TNFRSF1B: variants seen among roughly 807,000 people sequenced by gnomAD.
TNFRSF1B encodes the protein TNF receptor superfamily member 1B, also known as tumor necrosis factor receptor superfamily member 1B.
Under a neutral mutation model 44.6 loss-of-function variants are expected in TNFRSF1B, and 19 were observed. The observed-to-expected ratio is 0.43, with a 90% CI of 0.30 to 0.62. The LOEUF (loss-of-function observed/expected upper bound fraction) is 0.62. Ranked by LOEUF, TNFRSF1B falls within the 20% of genes least tolerant of loss-of-function variation. TNFRSF1B has a pLI of 0.16. For synonymous variants in TNFRSF1B, 252 were observed against 261.1 expected (o/e 0.97, Z 0.34); for missense variants, 541 against 619.9 (o/e 0.87, Z 1.35).
rs778042510 is a variant in TNFRSF1B, at chr1:12,180,314, G to C, written c.79-8482G>C. On this transcript the variant is annotated intron_variant, in intron 1 of 9. Transcript: ENST00000376259. The surrounding 1 kb of genome is among the most constrained non-coding windows in gnomAD (Gnocchi z 4.3). ...AAAGCCATGAAGATCCCCAAAGAAG[G>C]CTGTGCTAATGGCGGCCGGAAGAGC... Among the ~76,000 whole-genome samples, 3 of 152,172 alleles carry C rather than the reference G, an allele frequency of 2.0e-5. No individual in the cohort carries two copies. The highest frequency in any genetic ancestry group is 2.9e-5 in the Non-Finnish European group (2 of 68,026).
At chr1:12,205,667 G>A (rs1467106645) in intron 9 of TNFRSF1B, among the ~76,000 whole-genome samples, 2 of 152,166 alleles carry the variant, frequency 1.3e-5, no homozygotes, top group Non-Finnish European at 2.9e-5. Flanking sequence ...TTTCGCCCAG[G>A]CTGGAGTGAA....
At chr1:12,188,290 C>T (rs142943141) in intron 1 of TNFRSF1B, among the ~76,000 whole-genome samples, 203 of 152,246 alleles carry the variant, frequency 1.3e-3, no homozygotes, top group African/African-American at 4.6e-3. Flanking sequence ...GGTCATAACC[C>T]ACGTTTAGAG....
At chr1:12,189,402 G>C (rs1391387039) in intron 2 of TNFRSF1B, among the ~76,000 whole-genome samples, 1 of 152,184 alleles carries the variant, frequency 6.6e-6, no homozygotes, top group Non-Finnish European at 1.5e-5. Flanking sequence ...CTTGTTTTCT[G>C]CTGAATCCCC....
Position 12,198,247 on chromosome 1 carries a change from G to A in TNFRSF1B, c.900+3629G>A, listed in dbSNP as rs554404909. 4.6e-5 allele frequency among the ~76,000 whole-genome samples: 7 copies of A among 152,200 alleles called. No individual in the cohort carries two copies. The East Asian group carries it at 9.6e-4, about 21-fold the overall frequency. ...AACATTTATCGGGTGTTGAACGGAT[G>A]CCAGGCACTGTGCCCAGCGTTCTTT... On this transcript the variant is annotated intron_variant, in intron 8 of 9. Transcript: ENST00000376259.
intron 1 of TNFRSF1B, among the ~76,000 whole-genome samples, chr1:12,188,406 G>A (rs1482947303): frequency 1.3e-5 from 2 of 152,272 alleles, no homozygotes; most frequent in East Asian, 3.9e-4. Context: ...GATGTTTCAG[G>A]TGCAGGAGGG....
rs1037634061 is a variant in TNFRSF1B, at chr1:12,168,772, C to A, written c.78+1603C>A. Among the ~76,000 whole-genome samples, 4 of 152,144 alleles carry A rather than the reference C, an allele frequency of 2.6e-5. No homozygotes were observed. The highest frequency in any genetic ancestry group is 9.7e-5 in the African/African-American group (4 of 41,414). ...CCCCACGACCCCACCCGGACTATTG[C>A]CGCAGCCTTGTAGCTGGTCTCCCGG... On this transcript the variant is annotated intron_variant, in intron 1 of 9. Coordinates refer to ENST00000376259, the MANE Select transcript of TNFRSF1B (RefSeq NM_001066.3). This position sits in a 1 kb window ranked among gnomAD's most constrained non-coding sequence, Gnocchi z 4.7.
At chr1:12,173,914 G>C (rs536534984) in intron 1 of TNFRSF1B, among the ~76,000 whole-genome samples, 1 of 152,190 alleles carries the variant, frequency 6.6e-6, no homozygotes, top group Non-Finnish European at 1.5e-5. Flanking sequence ...GTACTTGGCT[G>C]TGAGCCCCGG....
chr1:12,192,276 C>CTG (rs4044500), intron 4 of TNFRSF1B, 155 bp from the exon 5 acceptor site: 117,844 of 684,408 alleles, frequency 0.17, 2,871 homozygotes, highest in Admixed American at 0.23. Context: ...GTACAGGCAT[C>CTG]TGTGTGTGTG....
rs113097991 is a variant in TNFRSF1B, at chr1:12,177,794, C to CAAA, written c.78+10639_78+10641dup. On this transcript the variant is annotated intron_variant, in intron 1 of 9. Transcript: ENST00000376259. This position sits in a 1 kb window ranked among gnomAD's most constrained non-coding sequence, Gnocchi z 4.3. ...GGGTGACAGGGTGAGATTCTGTCTC[C>CAAA]AAAAAAAAAAAAAAAAGAAGAGCTG... Among the ~76,000 whole-genome samples the CAAA allele has an allele frequency of 9.0e-6, 1 of 111,372 alleles. No homozygotes were observed. The allele number at this position is 111,372 out of a possible 152,430, so 73.1% of individuals were successfully genotyped here. A position where few individuals can be genotyped will look rare whatever the true frequency, so the allele number is the denominator to read the frequency against.
At position 12,197,173 on chromosome 1, in the gene TNFRSF1B, C is replaced by A. The variant is rs1490901640; in HGVS notation, c.900+2555C>A. On this transcript the variant is annotated intron_variant, in intron 8 of 9. Coordinates refer to ENST00000376259, the MANE Select transcript of TNFRSF1B (RefSeq NM_001066.3). ...ATGTTGGCCAGGCTGGTCTCAAACC[C>A]CTGACCTCAAGTGATCTGCCCACCT... Among the ~76,000 whole-genome samples the A allele has an allele frequency of 2.0e-5, 3 of 152,190 alleles. No homozygotes were observed. In the East Asian group the frequency reaches 5.8e-4, roughly 29 times the overall value.
Position 12,178,928 on chromosome 1 carries a change from C to T in TNFRSF1B, c.79-9868C>T, listed in dbSNP as rs1248690928. Among the ~76,000 whole-genome samples, 1 of 152,032 alleles carries T rather than the reference C, an allele frequency of 6.6e-6. No individual in the cohort carries two copies. Among genetic ancestry groups the T allele is most frequent in the Non-Finnish European group, 1.5e-5 (1 of 68,000 alleles). On this transcript the variant is annotated intron_variant, in intron 1 of 9. Transcript: ENST00000376259. This position sits in a 1 kb window ranked among gnomAD's most constrained non-coding sequence, Gnocchi z 4.3. ...CTGAAAGGGACAGAAGGCTGGGAACCAAGACCAAGGAGCCTGCAGCTGGCA... is the reference window on the plus strand; with the variant it reads ...CTGAAAGGGACAGAAGGCTGGGAACTAAGACCAAGGAGCCTGCAGCTGGCA...
At chr1:12,204,677 G>T (rs1275398100) in intron 9 of TNFRSF1B, among the ~76,000 whole-genome samples, 2 of 152,150 alleles carry the variant, frequency 1.3e-5, no homozygotes, top group African/African-American at 4.8e-5. Flanking sequence ...GCAAACCTTG[G>T]GCTGTCCTTG....
chr1:12,194,541 C>T, intron 7 of TNFRSF1B, 43 bp from the exon 8 acceptor site: 5 of 1,613,196 alleles, frequency 3.1e-6, no homozygotes, highest in Non-Finnish European at 4.2e-6. Context: ...ACAGATGTGC[C>T]TGAGGAAGTC....
chr1:12,197,596 A>AT (rs929783713), intron 8 of TNFRSF1B, among the ~76,000 whole-genome samples: 1 of 152,046 alleles, frequency 6.6e-6, no homozygotes, highest in Non-Finnish European at 1.5e-5. Flanking sequence ...GGGAGGTTCC[A>AT]TTTTTCCTGT....
chr1:12,185,894 G>A (rs931242852), intron 1 of TNFRSF1B, among the ~76,000 whole-genome samples: 1 of 152,200 alleles, frequency 6.6e-6, no homozygotes, highest in African/African-American at 2.4e-5. Context: ...GCCCAGGGAG[G>A]CCATGAGGAG....
At chr1:12,203,682 A>G (rs1639439954) in intron 9 of TNFRSF1B, among the ~76,000 whole-genome samples, 1 of 152,020 alleles carries the variant, frequency 6.6e-6, no homozygotes, top group South Asian at 2.1e-4. Context: ...AGTGCGCTCC[A>G]ATTATAAACT....
intron 1 of TNFRSF1B, among the ~76,000 whole-genome samples, chr1:12,185,635 T>A (rs1404831363): frequency 6.6e-6 from 1 of 152,232 alleles, no homozygotes; most frequent in Admixed American, 6.5e-5. Context: ...CCACTGCCCG[T>A]GCCCAGAATT....
At chr1:12,181,044 C>T (rs532278049) in intron 1 of TNFRSF1B, among the ~76,000 whole-genome samples, 4 of 152,304 alleles carry the variant, frequency 2.6e-5, no homozygotes, top group South Asian at 2.1e-4. Flanking sequence ...GTCACAGCAG[C>T]GGGCCTGCCA....
intron 9 of TNFRSF1B, among the ~76,000 whole-genome samples, chr1:12,204,337 TG>T (rs1222781882): frequency 6.6e-6 from 1 of 152,196 alleles, no homozygotes; most frequent in African/African-American, 2.4e-5. Flanking sequence ...TTGGGTGCTG[TG>T]GAGGCTCAGG....
Sources: gnomAD v4.1 joint callset for allele counts (sites outside exome capture counted in the v4.1 genomes callset) on GRCh38, gnomAD v4.1.1 for gene constraint, Gnocchi (gnomAD v3.1) non-coding constraint, MANE v1.5 for transcripts, NCBI Gene and HGNC (gene_info 2026-07-23, HGNC 2026-07-21) for gene names.